The following DIXDC1 variants were observed in gnomAD, a reference collection of about 807,000 sequenced individuals.
The protein encoded by DIXDC1 is DIX domain containing 1.
Under a neutral mutation model 103.1 loss-of-function variants are expected in DIXDC1, and 64 were observed. The ratio of observed to expected loss-of-function variants is 0.62; its 90% CI spans 0.51 to 0.76. The LOEUF (loss-of-function observed/expected upper bound fraction) is 0.76, where lower values mean the gene tolerates loss of function less well. Among genes scored for constraint, DIXDC1 ranks in the 30% least tolerant of loss-of-function variants. The pLI, the probability that DIXDC1 is intolerant of heterozygous loss-of-function variation, is 0.00. For synonymous variants in DIXDC1, 266 were observed against 298.5 expected (o/e 0.89, Z 1.12); for missense variants, 759 against 834.2 (o/e 0.91, Z 1.11).
intron 8 of DIXDC1, among the ~76,000 whole-genome samples, chr11:111,985,662 C>T (rs1860464608): frequency 6.6e-6 from 1 of 152,036 alleles, no homozygotes; most frequent in Non-Finnish European, 1.5e-5. Flanking sequence ...GCATTCCAGT[C>T]TAGGCCCTCA....
intron 19 of DIXDC1, among the ~76,000 whole-genome samples, chr11:112,018,551 A>C (rs1029862108): frequency 2.6e-5 from 4 of 152,236 alleles, no homozygotes; most frequent in African/African-American, 7.2e-5. Context: ...TGAATGAATT[A>C]ATGAAAATAA....
chr11:112,009,241 C>T (rs982008177), intron 17 of DIXDC1, among the ~76,000 whole-genome samples: 3 of 152,142 alleles, frequency 2.0e-5, no homozygotes, highest in African/African-American at 7.2e-5. Context: ...CATACACCCT[C>T]CCAAGACTAA....
intron 1 of DIXDC1, among the ~76,000 whole-genome samples, chr11:111,948,327 C>T (rs587774106): frequency 4.6e-5 from 7 of 152,318 alleles, no homozygotes; most frequent in African/African-American, 1.7e-4. Flanking sequence ...TCAAGTTCTC[C>T]TTTCCTTCCT....
chr11:111,947,755 A>G (rs1966646826), intron 1 of DIXDC1, among the ~76,000 whole-genome samples: 1 of 152,244 alleles, frequency 6.6e-6, no homozygotes, highest in Admixed American at 6.5e-5. Context: ...GATGCCATTG[A>G]ACAGATTCAC....
chr11:111,970,057 A>G (rs1468776033), intron 3 of DIXDC1, among the ~76,000 whole-genome samples: 1 of 152,050 alleles, frequency 6.6e-6, no homozygotes, highest in Non-Finnish European at 1.5e-5. Context: ...AATCAGTAGC[A>G]TTTGTTTTAC....
chr11:112,013,047 C>T (rs1220568591), intron 17 of DIXDC1, among the ~76,000 whole-genome samples: 3 of 152,138 alleles, frequency 2.0e-5, no homozygotes, highest in Non-Finnish European at 2.9e-5. Flanking sequence ...TTAATTTTCT[C>T]ACAGTTCTGG....
rs59473485 is a variant in DIXDC1 at position 111,950,438 on chromosome 11, A to ATTTTTT, written c.60+12908_60+12913dup. Among the ~76,000 whole-genome samples, 3 of 15,164 alleles carry ATTTTTT rather than the reference A, an allele frequency of 2.0e-4. 1 individual carries two copies. The highest frequency in any genetic ancestry group is 0.01 in the East Asian group (2 of 200). 9.9% of individuals were successfully genotyped at this position (15,164 alleles called of 152,430 possible). ...TATATATATATATATATATATATAT[A>ATTTTTT]TTTTTTTTTTTTTTTTTTTTTTTTT... On this transcript the variant is annotated intron_variant, in intron 1 of 19. Coordinates refer to ENST00000440460, the MANE Select transcript of DIXDC1 (RefSeq NM_001037954.4).
At chr11:112,002,696 A>T (rs900898785) in intron 17 of DIXDC1, among the ~76,000 whole-genome samples, 6 of 152,122 alleles carry the variant, frequency 3.9e-5, no homozygotes, top group African/African-American at 1.4e-4. Context: ...GCTGCGGTGG[A>T]AGGACAGCTT....
At chr11:111,967,801 G>T (rs1859787634) in intron 2 of DIXDC1, among the ~76,000 whole-genome samples, 1 of 152,226 alleles carries the variant, frequency 6.6e-6, no homozygotes, top group Non-Finnish European at 1.5e-5. Flanking sequence ...TCCATTGGCT[G>T]CTCATTACAC....
chr11:112,014,323 T>C (rs587751465), intron 17 of DIXDC1, among the ~76,000 whole-genome samples: 12 of 152,334 alleles, frequency 7.9e-5, no homozygotes, highest in Middle Eastern at 3.4e-3. Context: ...CCTGTCAGAG[T>C]CTTTTGTGAT....
chr11:112,002,134 C>T (rs587654092), intron 17 of DIXDC1, among the ~76,000 whole-genome samples: 3 of 152,108 alleles, frequency 2.0e-5, no homozygotes, highest in Non-Finnish European at 1.5e-5. Flanking sequence ...GGAATTTGCA[C>T]CCACTTGCAG....
intron 1 of DIXDC1, among the ~76,000 whole-genome samples, chr11:111,952,368 T>C (rs587703178): frequency 2.0e-5 from 3 of 152,358 alleles, no homozygotes; most frequent in East Asian, 1.9e-4. Context: ...AAAGTTCATA[T>C]GGTGAAATAA....
At chr11:111,955,573 G>A (rs1355777738) in intron 1 of DIXDC1, among the ~76,000 whole-genome samples, 1 of 151,878 alleles carries the variant, frequency 6.6e-6, no homozygotes, top group African/African-American at 2.4e-5. Flanking sequence ...GGTGGCTCAT[G>A]CCTGTAATCT....
chr11:111,977,501 G>A lies in DIXDC1; in HGVS notation c.656+2518G>A. 7.5e-7 allele frequency: 1 copy of A among 1,338,656 alleles called. No homozygotes were observed. Among genetic ancestry groups the A allele is most frequent in the East Asian group, 3.4e-5 (1 of 29,270 alleles). The allele number at this position is 1,338,656 out of a possible 1,614,324, so 82.9% of individuals were successfully genotyped here. ...CCTGCGAGGGGAGGCAGCTTCCGCC[G>A]GGGCCGGGCTGCTGCACAGTCTGAG... On this transcript the variant is annotated intron_variant, in intron 5 of 19. Transcript: ENST00000440460. The surrounding 1 kb of genome is among the most constrained non-coding windows in gnomAD (Gnocchi z 6.1).
chr11:111,962,327 C>T (rs781948925), intron 1 of DIXDC1, among the ~76,000 whole-genome samples: 4 of 152,038 alleles, frequency 2.6e-5, no homozygotes, highest in Non-Finnish European at 4.4e-5. Context: ...ATTACAAATA[C>T]AAAAATTAGC....
intron 2 of DIXDC1, among the ~76,000 whole-genome samples, chr11:111,967,244 C>T (rs1348162151): frequency 3.3e-5 from 5 of 152,194 alleles, no homozygotes; most frequent in African/African-American, 1.2e-4. Flanking sequence ...ATATGCAACT[C>T]AAATTTCACA....
rs782383247 is a variant in DIXDC1 at position 111,989,075 on chromosome 11, A to C, written c.1113+20A>C. ...ATAAAGGTAAAAAAGAAGACATTTA[A>C]TTCTTTAAATAAAGTCTCTGCAATG... On this transcript the variant is annotated intron_variant, in intron 10 of 19. Coordinates refer to ENST00000440460, the MANE Select transcript of DIXDC1 (RefSeq NM_001037954.4). 1 of 1,580,862 alleles carries C rather than the reference A, an allele frequency of 6.3e-7. No individual in the cohort carries two copies. The highest frequency in any genetic ancestry group is 8.6e-7 in the Non-Finnish European group (1 of 1,164,788).
Position 111,985,243 on chromosome 11 carries a change from C to G in DIXDC1, c.930C>G (p.Leu310=). ...KMISGLQALL[L]NGSLPEDEQE... ...TTGTGGTTATTCAGGCCTTACTGCT[C>G]AATGGATCCTTACCTGAAGATGAAC... Residue 310 remains leucine, a synonymous_variant, in exon 8 of 20, where the codon CTC becomes CTG. Transcript: ENST00000440460. 1.2e-6 allele frequency: 2 copies of G among 1,613,436 alleles called. No individual in the cohort carries two copies. Among genetic ancestry groups the G allele is most frequent in the Non-Finnish European group, 1.7e-6 (2 of 1,179,626 alleles).
chr11:111,981,345 G>A (rs587732774), intron 6 of DIXDC1, among the ~76,000 whole-genome samples: 6 of 152,186 alleles, frequency 3.9e-5, no homozygotes, highest in African/African-American at 1.4e-4. Context: ...CTCTGTCTCA[G>A]TTGCTCTTTA....
Sources: gnomAD v4.1 joint callset for allele counts (sites outside exome capture counted in the v4.1 genomes callset) on GRCh38, gnomAD v4.1.1 for gene constraint, Gnocchi (gnomAD v3.1) non-coding constraint, MANE v1.5 for transcripts, NCBI Gene and HGNC (gene_info 2026-07-23, HGNC 2026-07-21) for gene names.